Variants in TACC2 observed in about 807,000 individuals in gnomAD.
TACC2 encodes transforming acidic coiled-coil-containing protein 2.
In TACC2, 137 loss-of-function variants were observed where a neutral mutation model predicts 227.3. That is an observed-to-expected ratio of 0.60 (90% confidence interval 0.52 to 0.69). The LOEUF is 0.69. Among genes scored for constraint, TACC2 ranks in the 30% least tolerant of loss-of-function variants. The pLI, the probability that TACC2 is intolerant of heterozygous loss-of-function variation, is 0.00. For synonymous variants in TACC2, 1,523 were observed against 1,487.5 expected, an observed-to-expected ratio of 1.02 and a Z score of -0.55; for missense variants, 3,470 against 3,694.4, an observed-to-expected ratio of 0.94 and a Z score of 1.57.
At chr10:122,176,547 A>C (rs891696196) in intron 7 of TACC2, among the ~76,000 whole-genome samples, 13 of 152,128 alleles carry the variant, frequency 8.5e-5, no homozygotes, top group African/African-American at 3.1e-4. Flanking sequence ...GTAGCATTTT[A>C]CTTAGTATCC....
chr10:122,107,874 A>ATT (rs1341632232), intron 5 of TACC2, among the ~76,000 whole-genome samples: 1 of 85,630 alleles, frequency 1.2e-5, no homozygotes, highest in Non-Finnish European at 2.3e-5. Context: ...ATATATATAT[A>ATT]TATATATTTT....
chr10:122,062,443 A>G (rs187408364), intron 3 of TACC2, among the ~76,000 whole-genome samples: 1 of 151,316 alleles, frequency 6.6e-6, no homozygotes, highest in Admixed American at 6.6e-5. Context: ...AGCTGGGATT[A>G]CAGGCATGCG....
rs556931000 is a variant in TACC2, at chr10:122,138,266, T to C, written c.5700-5306T>C. ...GGCTTATGCCTGTAATCCCAGAGCT[T>C]GGAGAGGCCAAGGCAGGGATCACCT... On this transcript the variant is annotated intron_variant, in intron 6 of 22. Transcript: ENST00000369005. Among the ~76,000 whole-genome samples the C allele has an allele frequency of 3.9e-5, 6 of 152,270 alleles. No individual in the cohort carries two copies. In the East Asian group the frequency reaches 1.2e-3, roughly 29 times the overall value.
At position 122,087,764 on chromosome 10, in the gene TACC2, C is replaced by A; in HGVS notation, c.5264C>A (p.Ala1755Asp). The change falls in exon 4 of 23, where the codon GCT becomes GAT. Residue 1755 changes from alanine (A) to aspartate (D), a missense_variant. By Grantham distance (126) the Ala-to-Asp change is moderately radical (BLOSUM62 -2). Coordinates refer to ENST00000369005, the MANE Select transcript of TACC2 (RefSeq NM_206862.4). ...CAGGACCCAGCCTGCTCTGACAAGGCTCCGGGGATGGAGGGTACAGCTGCC... is the reference window on the plus strand; with the variant it reads ...CAGGACCCAGCCTGCTCTGACAAGGATCCGGGGATGGAGGGTACAGCTGCC... ...SCQDPACSDK[A>D]PGMEGTAALH... is the part of the protein sequence containing the mutation. 1 of 1,608,906 alleles carries A rather than the reference C, an allele frequency of 6.2e-7. No individual in the cohort carries two copies. Among genetic ancestry groups the A allele is most frequent in the South Asian group, 1.1e-5 (1 of 90,082 alleles).
At chr10:122,137,872 C>G (rs773462856) in intron 6 of TACC2, among the ~76,000 whole-genome samples, 1 of 152,164 alleles carries the variant, frequency 6.6e-6, no homozygotes, top group African/African-American at 2.4e-5. Context: ...CATCACAGCT[C>G]CTCAGGAAGG....
chr10:122,227,973 A>G lies in TACC2; in HGVS notation c.7861A>G (p.Met2621Val). 6.2e-7 allele frequency: 1 copy of G among 1,614,026 alleles called. No individual in the cohort carries two copies. The highest frequency in any genetic ancestry group is 8.5e-7 in the Non-Finnish European group (1 of 1,180,026). The change falls in exon 14 of 23, where the codon ATG becomes GTG. Residue 2621 changes from methionine (M) to valine (V), a missense_variant. Coordinates refer to ENST00000369005, the MANE Select transcript of TACC2 (RefSeq NM_206862.4). ...ATCCTCCCAGAAGGAGCTGGAGGCC[A>G]TGGGCTTGGGCACCCCTTCAGAAGC... ...EKSSQKELEA[M>V]GLGTPSEAIE...
At chr10:122,019,633 CG>C (rs1305835930) in intron 1 of TACC2, 3 of 152,282 alleles carry the variant, frequency 2.0e-5, no homozygotes, top group Non-Finnish European at 2.9e-5. Flanking sequence ...CTGAAACTGA[CG>C]GGCTGGGAAA....
chr10:122,227,995 A>C lies in TACC2; in HGVS notation c.7883A>C (p.Glu2628Ala). The change falls in exon 14 of 23, where the codon GAA becomes GCA. Residue 2628 changes from glutamate (E) to alanine (A), a missense_variant. This residue lies in a region of TACC2 where 345 missense variants were observed against 354.4 expected (regional missense o/e 0.97). Transcript: ENST00000369005. ...LEAMGLGTPS[E>A]AIEITAPEGS... ...GCCATGGGCTTGGGCACCCCTTCAG[A>C]AGCGATTGAAATTGTAAGTGGAGTT... 1 of 1,612,988 alleles carries C rather than the reference A, an allele frequency of 6.2e-7. No homozygotes were observed. The highest frequency in any genetic ancestry group is 8.5e-7 in the Non-Finnish European group (1 of 1,179,616).
At chr10:122,153,215 C>T (rs2092228732) in intron 7 of TACC2, among the ~76,000 whole-genome samples, 1 of 152,194 alleles carries the variant, frequency 6.6e-6, no homozygotes, top group Non-Finnish European at 1.5e-5. Flanking sequence ...TGGCTGGTCT[C>T]AAACTCCTGA....
At chr10:122,173,035 G>A (rs959310814) in intron 7 of TACC2, among the ~76,000 whole-genome samples, 1 of 152,126 alleles carries the variant, frequency 6.6e-6, no homozygotes, top group Non-Finnish European at 1.5e-5. Context: ...TGTGGCCTCA[G>A]CTTGGGTACC....
Position 122,082,977 on chromosome 10 carries a change from C to T in TACC2, c.477C>T (p.Asp159=). Residue 159 remains aspartate, a synonymous_variant, in exon 4 of 23, where the codon GAC becomes GAT. Coordinates refer to ENST00000369005, the MANE Select transcript of TACC2 (RefSeq NM_206862.4). ...DIAAAFPAER[D]SSTPYQEIAA... is the part of the protein sequence containing the mutation. ...CGGCGGCATTTCCCGCTGAGAGGGACAGCTCTACTCCATACCAAGAGATTG... is the reference window on the plus strand; with the variant it reads ...CGGCGGCATTTCCCGCTGAGAGGGATAGCTCTACTCCATACCAAGAGATTG... The T allele has an allele frequency of 1.2e-6, 2 of 1,612,876 alleles. No individual in the cohort carries two copies. Among genetic ancestry groups the T allele is most frequent in the Middle Eastern group, 1.6e-4 (1 of 6,062 alleles).
chr10:122,131,716 T>G (rs74622335), intron 5 of TACC2, among the ~76,000 whole-genome samples: 2,875 of 152,250 alleles, frequency 0.019, 102 homozygotes, highest in African/African-American at 0.063. Context: ...GACATGAACG[T>G]AGTCTATCAA....
At chr10:122,224,894 T>C in intron 12 of TACC2, 107 bp downstream of exon 12, 6 of 923,682 alleles carry the variant, frequency 6.5e-6, no homozygotes, top group Non-Finnish European at 1.0e-5. Context: ...AATCGAGTGT[T>C]TTCTGTGTAC....
rs41288002 is a variant in TACC2, at chr10:122,084,657, G to T, written c.2157G>T (p.Glu719Asp). Residue 719 changes from glutamate to aspartate, a missense_variant, in exon 4 of 23, where the codon GAG (glutamate) becomes GAT (aspartate). Transcript: ENST00000369005. ...AGTCTTTCCTGACTTTAGAATCAGAGAAATCAGATTTTCCACCAACTCCTG... is the reference window on the plus strand; with the variant it reads ...AGTCTTTCCTGACTTTAGAATCAGATAAATCAGATTTTCCACCAACTCCTG... ...RMESFLTLESEKSDFPPTPVA... is the reference protein window; with the variant it reads ...RMESFLTLESDKSDFPPTPVA... 76,580 of 1,613,758 alleles carry T rather than the reference G, an allele frequency of 0.047. 2,120 individuals are homozygous for T. Among genetic ancestry groups the T allele is most frequent in the Non-Finnish European group, 0.056 (66,458 of 1,180,020 alleles).
At chr10:122,221,193 C>T (rs963372764) in intron 11 of TACC2, among the ~76,000 whole-genome samples, 5 of 152,240 alleles carry the variant, frequency 3.3e-5, no homozygotes, top group Non-Finnish European at 5.9e-5. Context: ...TCATCTTCCA[C>T]GGATGAAGAA....
intron 2 of TACC2, among the ~76,000 whole-genome samples, chr10:122,028,753 T>C (rs572298280): frequency 2.2e-3 from 127 of 56,900 alleles, no homozygotes; most frequent in African/African-American, 3.0e-3. Context: ...CTCTCCTCCC[T>C]TCCCCTTCTG....
chr10:122,147,545 T>C (rs4619085), intron 7 of TACC2, among the ~76,000 whole-genome samples: 146,621 of 152,316 alleles, frequency 0.96, 70,758 homozygotes, highest in Non-Finnish European at 1. Flanking sequence ...TCTGTTAGGG[T>C]GGAACATCTA....
chr10:122,214,654 C>T (rs2095364293), intron 9 of TACC2, among the ~76,000 whole-genome samples: 1 of 152,212 alleles, frequency 6.6e-6, no homozygotes, highest in Non-Finnish European at 1.5e-5. Context: ...GCATCCCTTT[C>T]TCCTGGGATC....
intron 5 of TACC2, among the ~76,000 whole-genome samples, chr10:122,129,466 A>G (rs79886154): frequency 0.011 from 1,646 of 152,214 alleles, 14 homozygotes; most frequent in Admixed American, 0.024. Context: ...ATTTTTTGCT[A>G]TCGTGATTCC....
Sources: allele counts gnomAD v4.1 joint callset (sites outside exome capture counted in the v4.1 genomes callset), GRCh38; gene constraint gnomAD v4.1.1; regional missense constraint gnomAD v4.1.1; transcripts MANE v1.5; gene names NCBI Gene and HGNC (gene_info 2026-07-23, HGNC 2026-07-21).